The following CDH13 variants were observed in gnomAD, a reference collection of about 807,000 sequenced individuals.
The protein encoded by CDH13 is cadherin-13.
In CDH13, 24 loss-of-function variants were observed where a neutral mutation model predicts 63.8. The observed-to-expected ratio is 0.38, with a 90% confidence interval of 0.27 to 0.53. The LOEUF (loss-of-function observed/expected upper bound fraction) is 0.53, where lower values mean the gene tolerates loss of function less well. CDH13 is among the 20% of genes least tolerant of loss of function. CDH13 has a pLI of 0.85. For missense variants in CDH13, 1,049 were observed against 903.1 expected (o/e 1.16, Z -2.07); for synonymous variants, 503 against 355.3 (o/e 1.42, Z -4.67).
At chr16:83,232,362 TA>T (rs1412052960) in intron 5 of CDH13, among the ~76,000 whole-genome samples, 1 of 151,250 alleles carries the variant, frequency 6.6e-6, no homozygotes, top group Non-Finnish European at 1.5e-5. Context: ...CTGTCTCTAC[TA>T]AAAAAACAAA....
chr16:83,201,889 T>C (rs2039043223), intron 4 of CDH13, among the ~76,000 whole-genome samples: 2 of 152,240 alleles, frequency 1.3e-5, no homozygotes, highest in East Asian at 3.9e-4. Flanking sequence ...CACTCCAGCC[T>C]AGGCAACAGA....
chr16:83,094,521 C>G lies in CDH13; in HGVS notation c.367-30864C>G, dbSNP rs537405318. ...CTGAGGTCTTATGCCTCCACATTGA[C>G]TAGTCATTGAATGTAGGCTCATTTC... On this transcript the variant is annotated intron_variant, in intron 3 of 13. Transcript: ENST00000567109. Among the ~76,000 whole-genome samples, 6 of 152,250 alleles carry G rather than the reference C, an allele frequency of 3.9e-5. No homozygotes were observed. The South Asian group carries it at 1.2e-3, about 32-fold the overall frequency.
At chr16:83,491,649 A>C (rs916637437) in intron 7 of CDH13, among the ~76,000 whole-genome samples, 6 of 151,918 alleles carry the variant, frequency 3.9e-5, no homozygotes, top group Non-Finnish European at 8.8e-5. Context: ...TGCATTGAGA[A>C]AGTATCATTA....
At chr16:83,516,197 T>C (rs1373466346) in intron 7 of CDH13, among the ~76,000 whole-genome samples, 2 of 152,202 alleles carry the variant, frequency 1.3e-5, no homozygotes, top group Non-Finnish European at 2.9e-5. Context: ...CTGTAAGCGT[T>C]TTACACTCAA....
chr16:83,276,818 C>T (rs564648711), intron 5 of CDH13, among the ~76,000 whole-genome samples: 68 of 152,148 alleles, frequency 4.5e-4, no homozygotes, highest in Admixed American at 9.8e-4. Flanking sequence ...CTACAGGAGC[C>T]AAGATCAGGC....
intron 11 of CDH13, among the ~76,000 whole-genome samples, chr16:83,752,351 A>T (rs1913157102): frequency 6.6e-6 from 1 of 152,228 alleles, no homozygotes; most frequent in Admixed American, 6.5e-5. Flanking sequence ...CTGTGTGCGT[A>T]TATACCGTGT....
intron 2 of CDH13, among the ~76,000 whole-genome samples, chr16:82,988,083 A>G (rs116319895): frequency 0.015 from 2,318 of 152,208 alleles, 53 homozygotes; most frequent in African/African-American, 0.05. Context: ...TGTAGCAATA[A>G]CCCTCCTTCC....
At position 83,489,125 on chromosome 16, in the gene CDH13, C is replaced by T. The variant is rs183260156; in HGVS notation, c.960+2470C>T. Among the ~76,000 whole-genome samples, 98 of 152,280 alleles carry T rather than the reference C, an allele frequency of 6.4e-4. No homozygotes were observed. The Middle Eastern group carries it at 0.01, about 16-fold the overall frequency. ...ATGAAGCATGGTGATTTCTCCGTTTCAGCTTCTCTTTGTTCTGAGAGAAAA... is the reference window on the plus strand; with the variant it reads ...ATGAAGCATGGTGATTTCTCCGTTTTAGCTTCTCTTTGTTCTGAGAGAAAA... On this transcript the variant is annotated intron_variant, in intron 7 of 13. Coordinates refer to ENST00000567109, the MANE Select transcript of CDH13 (RefSeq NM_001257.5).
chr16:83,568,423 T>C (rs1405854177), intron 7 of CDH13, among the ~76,000 whole-genome samples: 7 of 152,202 alleles, frequency 4.6e-5, no homozygotes, highest in Non-Finnish European at 2.9e-5. Flanking sequence ...TTGTTCACGG[T>C]TCATTTATGA....
intron 1 of CDH13, among the ~76,000 whole-genome samples, chr16:82,661,151 A>G (rs1031051891): frequency 6.6e-6 from 1 of 152,156 alleles, no homozygotes; most frequent in Non-Finnish European, 1.5e-5. Flanking sequence ...GCCTCTTTTC[A>G]TCCTGATGGA....
chr16:83,443,026 A>C (rs1359772767), intron 6 of CDH13, among the ~76,000 whole-genome samples: 1 of 152,220 alleles, frequency 6.6e-6, no homozygotes, highest in African/African-American at 2.4e-5. Flanking sequence ...AAGCCCACCA[A>C]AATACCAGCC....
At chr16:83,619,127 T>C (rs1332475179) in intron 8 of CDH13, among the ~76,000 whole-genome samples, 1 of 152,200 alleles carries the variant, frequency 6.6e-6, no homozygotes, top group Non-Finnish European at 1.5e-5. Flanking sequence ...CTTTCCAAAG[T>C]ACATTCATTC....
intron 2 of CDH13, among the ~76,000 whole-genome samples, chr16:82,962,871 C>G (rs964604822): frequency 1.3e-5 from 2 of 152,104 alleles, no homozygotes; most frequent in East Asian, 3.8e-4. Flanking sequence ...CTAATGGTCA[C>G]TAATGACCTA....
At chr16:82,679,787 A>G (rs1050600445) in intron 1 of CDH13, among the ~76,000 whole-genome samples, 2 of 152,368 alleles carry the variant, frequency 1.3e-5, no homozygotes, top group African/African-American at 4.8e-5. Flanking sequence ...ACTGAACATA[A>G]TAATACTATG....
At chr16:83,465,281 C>G (rs1210868719) in intron 6 of CDH13, among the ~76,000 whole-genome samples, 6 of 152,214 alleles carry the variant, frequency 3.9e-5, no homozygotes, top group Admixed American at 6.5e-5. Flanking sequence ...TAGACAGCTA[C>G]AAAGGCGACA....
chr16:83,511,327 T>C (rs2074559348), intron 7 of CDH13, among the ~76,000 whole-genome samples: 1 of 152,008 alleles, frequency 6.6e-6, no homozygotes, highest in Admixed American at 6.6e-5. Flanking sequence ...CCAGGTGTAG[T>C]GGCAGGTGCC....
chr16:82,675,650 C>A (rs1013913750), intron 1 of CDH13, among the ~76,000 whole-genome samples: 3 of 152,206 alleles, frequency 2.0e-5, no homozygotes, highest in African/African-American at 7.2e-5. Context: ...GGCCACCAAA[C>A]CTGCTGGACT....
chr16:82,926,815 C>T (rs2042317587), intron 2 of CDH13, among the ~76,000 whole-genome samples: 1 of 152,154 alleles, frequency 6.6e-6, no homozygotes, highest in Non-Finnish European at 1.5e-5. Flanking sequence ...ATCATTGGTC[C>T]ATTAGTGATG....
At chr16:83,342,127 A>C (rs532956490) in intron 5 of CDH13, among the ~76,000 whole-genome samples, 1 of 152,118 alleles carries the variant, frequency 6.6e-6, no homozygotes, top group Non-Finnish European at 1.5e-5. Flanking sequence ...TGAGCACTCA[A>C]AACGTTCCTA....
Sources: allele counts gnomAD v4.1 joint callset (sites outside exome capture counted in the v4.1 genomes callset), GRCh38; gene constraint gnomAD v4.1.1; transcripts MANE v1.5; gene names NCBI Gene and HGNC (gene_info 2026-07-23, HGNC 2026-07-21).